Variants in MAGI2 observed in about 807,000 individuals in gnomAD.
The protein encoded by MAGI2 is membrane associated guanylate kinase, WW and PDZ domain containing 2, also known as membrane-associated guanylate kinase, WW and PDZ domain-containing protein 2.
MAGI2 carries 35 observed loss-of-function variants against 133.3 expected under a neutral mutation model. That is an observed-to-expected ratio of 0.26 (90% CI 0.20 to 0.35). The LOEUF (loss-of-function observed/expected upper bound fraction) is 0.35, where lower values mean the gene tolerates loss of function less well. Ranked by LOEUF, MAGI2 falls within the 10% of genes least tolerant of loss-of-function variation. The pLI, the probability that MAGI2 is intolerant of heterozygous loss-of-function variation, is 1.00. For missense variants in MAGI2, 1,636 were observed against 1,863.4 expected, an observed-to-expected ratio of 0.88 and a Z score of 2.25; for synonymous variants, 729 against 710.6, an observed-to-expected ratio of 1.03 and a Z score of -0.41.
At chr7:78,704,274 T>G (rs1818376718) in intron 2 of MAGI2, among the ~76,000 whole-genome samples, 1 of 152,096 alleles carries the variant, frequency 6.6e-6, no homozygotes, top group Admixed American at 6.6e-5. Flanking sequence ...AACAGACACT[T>G]TCCAAAAGGA....
intron 2 of MAGI2, among the ~76,000 whole-genome samples, chr7:78,659,421 T>C (rs1812672730): frequency 2.0e-5 from 1 of 48,922 alleles, no homozygotes. Context: ...TGAGACTTCA[T>C]CTCAAAAAAA....
intron 1 of MAGI2, among the ~76,000 whole-genome samples, chr7:79,266,162 C>A (rs1168000238): frequency 6.6e-6 from 1 of 151,952 alleles, no homozygotes; most frequent in African/African-American, 2.4e-5. Flanking sequence ...ATTGCAGGAG[C>A]CAGGATCCTG....
chr7:78,242,371 C>G (rs1185246985), intron 10 of MAGI2, among the ~76,000 whole-genome samples: 1 of 152,206 alleles, frequency 6.6e-6, no homozygotes, highest in Non-Finnish European at 1.5e-5. Flanking sequence ...CTCAGGAGAT[C>G]TGCCATTCAG....
At chr7:78,596,093 C>T (rs1804566780) in intron 3 of MAGI2, among the ~76,000 whole-genome samples, 1 of 146,690 alleles carries the variant, frequency 6.8e-6, no homozygotes, top group African/African-American at 2.5e-5. Context: ...AGAAAAAATG[C>T]TCAATAAATG....
chr7:79,154,062 A>G (rs1289897375), intron 1 of MAGI2, among the ~76,000 whole-genome samples: 1 of 152,096 alleles, frequency 6.6e-6, no homozygotes, highest in African/African-American at 2.4e-5. Context: ...AACCTTTAAC[A>G]TTTCATTTTT....
intron 2 of MAGI2, among the ~76,000 whole-genome samples, chr7:78,868,975 A>G (rs1046285339): frequency 3.9e-5 from 6 of 152,138 alleles, no homozygotes; most frequent in Non-Finnish European, 8.8e-5. Flanking sequence ...GGATGGTCTC[A>G]ATCTTCTGAC....
chr7:79,415,024 G>C (rs1035750625), intron 1 of MAGI2: 1 of 152,160 alleles, frequency 6.6e-6, no homozygotes, highest in Non-Finnish European at 1.5e-5. Flanking sequence ...ATGTGGCCAA[G>C]ATTTCAAGGA....
chr7:78,944,025 A>G (rs973685317), intron 2 of MAGI2, among the ~76,000 whole-genome samples: 1 of 152,196 alleles, frequency 6.6e-6, no homozygotes, highest in Admixed American at 6.6e-5. Flanking sequence ...TATTTTCAGA[A>G]CTTGGCTTAT....
chr7:78,944,673 G>A (rs1436860600), intron 2 of MAGI2, among the ~76,000 whole-genome samples: 1 of 151,668 alleles, frequency 6.6e-6, no homozygotes. Flanking sequence ...CTAGCACCCA[G>A]GGATATATGT....
chr7:78,256,714 TTAAA>T, intron 9 of MAGI2, 133 bp from the exon 10 acceptor site: 1 of 716,288 alleles, frequency 1.4e-6, no homozygotes, highest in Non-Finnish European at 2.3e-6. Context: ...AGAATAATAC[TTAAA>T]ATCACTGTGG....
intron 20 of MAGI2, among the ~76,000 whole-genome samples, chr7:78,122,647 T>C (rs551395483): frequency 1.3e-5 from 2 of 152,348 alleles, no homozygotes; most frequent in East Asian, 3.9e-4. Context: ...ATGCGAACTA[T>C]ATTACACTTT....
Position 78,019,217 on chromosome 7 carries a change from T to C in MAGI2, c.*98A>G, listed in dbSNP as rs2151027981. 7.2e-7 allele frequency: 1 copy of C among 1,379,734 alleles called. No homozygotes were observed. Among genetic ancestry groups the C allele is most frequent in the South Asian group, 1.3e-5 (1 of 78,158 alleles). 85.5% of individuals were successfully genotyped at this position (1,379,734 alleles called of 1,614,324 possible). ...CCCAGGCCTTGGTGCCTCGTGGATC[T>C]ATGCGTGTGACAGTGAAAATAAATT... On this transcript the variant is annotated 3_prime_UTR_variant, in exon 22 of 22. Coordinates refer to ENST00000354212, the MANE Select transcript of MAGI2 (RefSeq NM_012301.4).
chr7:78,823,994 A>C (rs111808108), intron 2 of MAGI2, among the ~76,000 whole-genome samples: 1 of 152,156 alleles, frequency 6.6e-6, no homozygotes, highest in Non-Finnish European at 1.5e-5. Context: ...GAAATTTCTC[A>C]GATTAGTCTT....
intron 3 of MAGI2, among the ~76,000 whole-genome samples, chr7:78,573,345 T>TAG (rs1212529640): frequency 1.5e-5 from 1 of 65,146 alleles, no homozygotes; most frequent in African/African-American, 7.7e-5. Context: ...TATATATATA[T>TAG]AGAGAGAGAG....
intron 16 of MAGI2, among the ~76,000 whole-genome samples, chr7:78,137,187 A>G (rs1011393626): frequency 7.2e-5 from 11 of 152,146 alleles, no homozygotes; most frequent in Non-Finnish European, 1.5e-4. Flanking sequence ...GCCCCCTTTC[A>G]TGTTCAACAG....
intron 3 of MAGI2, among the ~76,000 whole-genome samples, chr7:78,527,780 T>C (rs993229662): frequency 6.6e-6 from 1 of 152,244 alleles, no homozygotes; most frequent in African/African-American, 2.4e-5. Flanking sequence ...TTTATTTGGC[T>C]TTTTAAGTTG....
chr7:79,216,259 T>G (rs1830030553), intron 1 of MAGI2, among the ~76,000 whole-genome samples: 2 of 151,826 alleles, frequency 1.3e-5, no homozygotes, highest in African/African-American at 4.9e-5. Context: ...AGGGGAAGAT[T>G]GTCTTTCCAC....
chr7:78,595,917 C>T (rs1457018482), intron 3 of MAGI2, among the ~76,000 whole-genome samples: 3 of 152,020 alleles, frequency 2.0e-5, no homozygotes, highest in Admixed American at 1.3e-4. Context: ...AAGTATAACA[C>T]CAGAATGTCT....
intron 1 of MAGI2, among the ~76,000 whole-genome samples, chr7:79,083,034 T>G (rs1213042371): frequency 6.6e-6 from 1 of 151,724 alleles, no homozygotes; most frequent in Non-Finnish European, 1.5e-5. Context: ...ATTGATCTTC[T>G]GCTTGCTGAA....
Sources: gnomAD v4.1 joint callset for allele counts (sites outside exome capture counted in the v4.1 genomes callset) on GRCh38, gnomAD v4.1.1 for gene constraint, MANE v1.5 for transcripts, NCBI Gene and HGNC (gene_info 2026-07-23, HGNC 2026-07-21) for gene names.